Variants in IL1RAPL1 observed in about 807,000 individuals in gnomAD.
IL1RAPL1 encodes interleukin-1 receptor accessory protein-like 1.
In IL1RAPL1, 3 loss-of-function variants were observed where a neutral mutation model predicts 48.4. The ratio of observed to expected loss-of-function variants is 0.06; its 90% CI spans 0.03 to 0.16. The LOEUF (loss-of-function observed/expected upper bound fraction) is 0.16. Among genes scored for constraint, IL1RAPL1 ranks in the 10% least tolerant of loss-of-function variants. The pLI, the probability that IL1RAPL1 is intolerant of heterozygous loss-of-function variation, is 1.00. For synonymous variants in IL1RAPL1, 185 were observed against 187.7 expected (o/e 0.99, Z 0.12); for missense variants, 349 against 530.6 (o/e 0.66, Z 3.36).
intron 5 of IL1RAPL1, among the ~76,000 whole-genome samples, chrX:29,626,324 A>G (rs952590086): frequency 7.1e-5 from 8 of 112,119 alleles, no homozygotes; most frequent in African/African-American, 2.6e-4. Context: ...TTCATTCTTC[A>G]TAAACCCTTC....
chrX:29,443,014 C>A (rs1934566441), intron 5 of IL1RAPL1, among the ~76,000 whole-genome samples: 1 of 110,964 alleles, frequency 9.0e-6, no homozygotes, highest in Non-Finnish European at 1.9e-5. Flanking sequence ...AATTATTATT[C>A]ATCCTAGTTG....
chrX:29,722,093 A>G (rs887213849), intron 6 of IL1RAPL1, among the ~76,000 whole-genome samples: 1 of 111,738 alleles, frequency 8.9e-6, no homozygotes, highest in Non-Finnish European at 1.9e-5. Context: ...AAGGTATGCA[A>G]CATGGTGTTT....
At chrX:29,241,438 C>T (rs908599468) in intron 2 of IL1RAPL1, among the ~76,000 whole-genome samples, 1 of 111,624 alleles carries the variant, frequency 9.0e-6, no homozygotes, top group Non-Finnish European at 1.9e-5. Context: ...GAGGAATTAT[C>T]GCTGAAGTCC....
intron 6 of IL1RAPL1, among the ~76,000 whole-genome samples, chrX:29,691,487 C>G (rs769118713): frequency 1.8e-5 from 2 of 110,633 alleles, no homozygotes; most frequent in South Asian, 7.6e-4. Context: ...AACAAACAAA[C>G]AAAAAATAAG....
intron 2 of IL1RAPL1, among the ~76,000 whole-genome samples, chrX:29,077,056 G>A (rs1356273986): frequency 8.9e-6 from 1 of 111,759 alleles, no homozygotes; most frequent in African/African-American, 3.3e-5. Context: ...GACTTGCCAG[G>A]AAGTTTTGAC....
intron 5 of IL1RAPL1, among the ~76,000 whole-genome samples, chrX:29,554,326 T>TA (rs767451767): frequency 9.0e-6 from 1 of 111,667 alleles, no homozygotes; most frequent in African/African-American, 3.2e-5. Context: ...TTCAAAATTA[T>TA]AATAAATAAT....
At chrX:29,924,027 G>GCTAT (rs1315622027) in intron 8 of IL1RAPL1, among the ~76,000 whole-genome samples, 2 of 111,820 alleles carry the variant, frequency 1.8e-5, no homozygotes, top group East Asian at 5.6e-4. Context: ...TACTAGCTGT[G>GCTAT]CTATCTGGGG....
intron 6 of IL1RAPL1, among the ~76,000 whole-genome samples, chrX:29,738,450 C>CTTTTTTTTTTTTTTTTTTTTTTTTTT (rs59952038): frequency 1.2e-5 from 1 of 86,165 alleles, no homozygotes; most frequent in African/African-American, 4.7e-5. Flanking sequence ...CTTTTCTTTT[C>CTTTTTTTTTTTTTTTTTTTTTTTTTT]TTTTTTTTTT....
intron 3 of IL1RAPL1, among the ~76,000 whole-genome samples, chrX:29,312,755 T>A (rs892356272): frequency 9.0e-6 from 1 of 111,495 alleles, no homozygotes; most frequent in Non-Finnish European, 1.9e-5. Flanking sequence ...TGAACTGTAC[T>A]CCCATAATTC....
intron 2 of IL1RAPL1, among the ~76,000 whole-genome samples, chrX:28,793,160 AT>A (rs1936573448): frequency 9.2e-6 from 1 of 108,927 alleles, no homozygotes; most frequent in African/African-American, 3.3e-5. Context: ...AATATTACCA[AT>A]CCCCGTCAAG....
intron 1 of IL1RAPL1, among the ~76,000 whole-genome samples, chrX:28,615,201 T>TG (rs1427364869): frequency 9.5e-5 from 3 of 31,541 alleles, no homozygotes; most frequent in South Asian, 1.5e-3. Context: ...TGTTGTCTGT[T>TG]TTTTTTTTTT....
intron 5 of IL1RAPL1, among the ~76,000 whole-genome samples, chrX:29,583,122 G>T (rs1923033483): frequency 9.6e-6 from 1 of 104,539 alleles, no homozygotes; most frequent in South Asian, 4.5e-4. Context: ...TACTGAATGG[G>T]CAAAAACTGG....
chrX:29,295,749 T>A (rs1401299699), intron 3 of IL1RAPL1, among the ~76,000 whole-genome samples: 1 of 111,527 alleles, frequency 9.0e-6, no homozygotes, highest in Non-Finnish European at 1.9e-5. Flanking sequence ...AAGATGAAAC[T>A]CTGTCCATCA....
intron 8 of IL1RAPL1, among the ~76,000 whole-genome samples, chrX:29,940,614 A>G (rs1019307006): frequency 1.5e-4 from 17 of 112,135 alleles, no homozygotes; most frequent in Non-Finnish European, 2.8e-4. Flanking sequence ...ACAACGCTTA[A>G]AGTGAGTTTC....
intron 5 of IL1RAPL1, among the ~76,000 whole-genome samples, chrX:29,482,814 C>T (rs1935055036): frequency 8.9e-6 from 1 of 111,735 alleles, no homozygotes; most frequent in Non-Finnish European, 1.9e-5. Flanking sequence ...CAATAATTAC[C>T]AACACATGGT....
At chrX:29,078,457 A>C (rs1448761908) in intron 2 of IL1RAPL1, among the ~76,000 whole-genome samples, 1 of 112,503 alleles carries the variant, frequency 8.9e-6, no homozygotes, top group African/African-American at 3.2e-5. Context: ...TAATCACATG[A>C]GATTTCAACC....
intron 2 of IL1RAPL1, among the ~76,000 whole-genome samples, chrX:28,953,837 G>T (rs1356687391): frequency 1.8e-5 from 2 of 110,852 alleles, no homozygotes; most frequent in Non-Finnish European, 3.8e-5. Context: ...CATCCTACAA[G>T]ACTACTTTCT....
At chrX:29,433,131 C>T (rs943416145) in intron 5 of IL1RAPL1, among the ~76,000 whole-genome samples, 2 of 109,507 alleles carry the variant, frequency 1.8e-5, no homozygotes, top group Non-Finnish European at 3.8e-5. Flanking sequence ...GATTTGTTTG[C>T]TCCCACCCAA....
intron 1 of IL1RAPL1, among the ~76,000 whole-genome samples, chrX:28,654,111 T>A (rs974898710): frequency 9.2e-6 from 1 of 109,075 alleles, no homozygotes; most frequent in Non-Finnish European, 1.9e-5. Context: ...AGTTGCTGCT[T>A]TAGGCAACTC....
Sources: gnomAD v4.1 joint callset for allele counts (sites outside exome capture counted in the v4.1 genomes callset) on GRCh38, gnomAD v4.1.1 for gene constraint, MANE v1.5 for transcripts, NCBI Gene and HGNC (gene_info 2026-07-23, HGNC 2026-07-21) for gene names.